The following DBX2 variants were observed in gnomAD, a reference collection of about 807,000 sequenced individuals.
DBX2 encodes the protein developing brain homeobox 2, also known as homeobox protein DBX2.
DBX2 carries 16 observed loss-of-function variants against 17.7 expected under a neutral mutation model. The observed-to-expected ratio is 0.90, with a 90% CI of 0.61 to 1.37. The LOEUF (loss-of-function observed/expected upper bound fraction) is 1.37, where lower values mean the gene tolerates loss of function less well. Among genes scored for constraint, DBX2 ranks in the 40% most tolerant of loss-of-function variants. DBX2 has a pLI of 0.00. For synonymous variants in DBX2, 255 were observed against 183.8 expected (o/e 1.39, Z -3.13); for missense variants, 538 against 433.8 (o/e 1.24, Z -2.13).
At chr12:45,046,957 A>C (rs565966932) in intron 1 of DBX2, among the ~76,000 whole-genome samples, 13 of 152,118 alleles carry the variant, frequency 8.5e-5, no homozygotes, top group South Asian at 4.1e-4. Context: ...TATGCAGCAG[A>C]AGAATAGATT....
chr12:45,037,060 G>C (rs1269515211), intron 1 of DBX2, among the ~76,000 whole-genome samples: 1 of 152,152 alleles, frequency 6.6e-6, no homozygotes, highest in Non-Finnish European at 1.5e-5. Flanking sequence ...ATTAGTATAA[G>C]TTGTTCTATT....
intron 1 of DBX2, among the ~76,000 whole-genome samples, chr12:45,047,929 G>A (rs1946508739): frequency 6.6e-6 from 1 of 152,164 alleles, no homozygotes. Context: ...GAGGATTAAA[G>A]GAGCTATTTT....
At chr12:45,018,937 T>C (rs1400575053) in intron 3 of DBX2, among the ~76,000 whole-genome samples, 1 of 151,368 alleles carries the variant, frequency 6.6e-6, no homozygotes, top group Non-Finnish European at 1.5e-5. Context: ...AGCCTTAGAA[T>C]AGTCATTAAT....
intron 1 of DBX2, among the ~76,000 whole-genome samples, chr12:45,049,020 T>C (rs1946515140): frequency 6.6e-6 from 1 of 152,198 alleles, no homozygotes; most frequent in Non-Finnish European, 1.5e-5. Context: ...TTGCAATATT[T>C]TGAAATAAGT....
chr12:45,023,592 G>T (rs903995402), intron 3 of DBX2, 115 bp downstream of exon 3: 7 of 1,193,120 alleles, frequency 5.9e-6, no homozygotes, highest in Non-Finnish European at 8.3e-6. Context: ...GGATTCCATT[G>T]TGTGCCTTAA....
At chr12:45,022,004 C>A (rs1200700148) in intron 3 of DBX2, among the ~76,000 whole-genome samples, 4 of 152,114 alleles carry the variant, frequency 2.6e-5, no homozygotes, top group African/African-American at 9.7e-5. Context: ...ACACAACAGA[C>A]CATCAAGATC....
intron 2 of DBX2, among the ~76,000 whole-genome samples, chr12:45,031,816 C>G (rs1054215904): frequency 6.6e-6 from 1 of 152,164 alleles, no homozygotes; most frequent in African/African-American, 2.4e-5. Flanking sequence ...TAGACACATA[C>G]TGAGCTGACA....
chr12:45,041,049 GA>G (rs987871432), intron 1 of DBX2, among the ~76,000 whole-genome samples: 442 of 95,936 alleles, frequency 4.6e-3, no homozygotes, highest in African/African-American at 7.0e-3. Context: ...CTGGGGGGAA[GA>G]AAAAAAAAAA....
Position 45,050,616 on chromosome 12 carries a change from AGCCCACC to A in DBX2, c.305_311del (p.Arg102LeufsTer39). 1 of 1,550,412 alleles carries A rather than the reference AGCCCACC, an allele frequency of 6.4e-7. No individual in the cohort carries two copies. The highest frequency in any genetic ancestry group is 8.7e-7 in the Non-Finnish European group (1 of 1,147,234). ...CCGCAGAGGGACTGAGCACTTGAAA[AGCCCACC>A]GCGTTCCGTAGGGCGCCCCGGCGGG... On this transcript the variant is annotated frameshift_variant, in exon 1 of 4. Coordinates refer to ENST00000332700, the MANE Select transcript of DBX2 (RefSeq NM_001004329.3). LOFTEE classifies it high-confidence loss of function.
At chr12:45,046,525 G>A (rs773953073) in intron 1 of DBX2, among the ~76,000 whole-genome samples, 6 of 151,964 alleles carry the variant, frequency 3.9e-5, no homozygotes, top group Non-Finnish European at 7.4e-5. Flanking sequence ...GCTCAAATTC[G>A]GACTTAAAAA....
At chr12:45,020,463 A>G (rs1946345799) in intron 3 of DBX2, among the ~76,000 whole-genome samples, 1 of 152,078 alleles carries the variant, frequency 6.6e-6, no homozygotes, top group Non-Finnish European at 1.5e-5. Context: ...ATAAAAGTAC[A>G]AAAAGAGGCA....
Position 45,050,602 on chromosome 12 carries a change from C to T in DBX2, c.326G>A (p.Ser109Asn). 1 of 1,551,258 alleles carries T rather than the reference C, an allele frequency of 6.4e-7. No homozygotes were observed. Among genetic ancestry groups the T allele is most frequent in the South Asian group, 1.2e-5 (1 of 84,132 alleles). The change falls in exon 1 of 4, where the codon AGT becomes AAT. Residue 109 changes from serine (S) to asparagine (N), a missense_variant. Coordinates refer to ENST00000332700, the MANE Select transcript of DBX2 (RefSeq NM_001004329.3). ...YGTRWAFQVLSPSADSARLPG... is the reference protein window; with the variant it reads ...YGTRWAFQVLNPSADSARLPG... ...CAGCCTCGCACTGTCCGCAGAGGGA[C>T]TGAGCACTTGAAAAGCCCACCGCGT... is the stretch of plus-strand genomic sequence containing the variant.
intron 2 of DBX2, among the ~76,000 whole-genome samples, chr12:45,025,671 CAT>C (rs796581022): frequency 1.8e-4 from 27 of 150,800 alleles, no homozygotes; most frequent in African/African-American, 5.9e-4. Flanking sequence ...TACTATGTAA[CAT>C]AGCACCAGAA....
Position 45,050,753 on chromosome 12 carries a change from G to A in DBX2, c.175C>T (p.Pro59Ser), listed in dbSNP as rs1020862088. Residue 59 changes from proline (P) to serine (S), a missense_variant, in exon 1 of 4, where the codon CCC (proline) becomes TCC (serine). Physicochemically the swap from Pro to Ser is moderately conservative, Grantham distance 74 (BLOSUM62 -1). Coordinates refer to ENST00000332700, the MANE Select transcript of DBX2 (RefSeq NM_001004329.3). ...APTPRLQPPA[P>S]HDPATALATA... Reference sequence around the variant, plus strand: ...GCCAGGGCGGTCGCCGGGTCGTGGGGCGCGGGCGGCTGCAGCCTGGGCGTT... The same window carrying A: ...GCCAGGGCGGTCGCCGGGTCGTGGGACGCGGGCGGCTGCAGCCTGGGCGTT... 3.7e-5 allele frequency: 56 copies of A among 1,502,250 alleles called. No homozygotes were observed. The highest frequency in any genetic ancestry group is 4.9e-5 in the Non-Finnish European group (55 of 1,126,770). 93.1% of individuals were successfully genotyped at this position (1,502,250 alleles called of 1,614,324 possible). A position where few individuals can be genotyped will look rare whatever the true frequency, so the allele number is the denominator to read the frequency against.
At chr12:45,028,955 T>C (rs952027420) in intron 2 of DBX2, among the ~76,000 whole-genome samples, 1 of 152,222 alleles carries the variant, frequency 6.6e-6, no homozygotes, top group African/African-American at 2.4e-5. Context: ...TAAACCACCA[T>C]TGATGCTCCT....
rs190749319 is a variant in DBX2, at chr12:45,034,911, A to C, written c.499+1108T>G. On this transcript the variant is annotated intron_variant, in intron 2 of 3. Transcript: ENST00000332700. ...CCTAAAGTTCATCTGCAGAGTGAAA[A>C]ATCGTGGTGAGGTCGCGTGTGGATG... 3.3e-5 allele frequency among the ~76,000 whole-genome samples: 5 copies of C among 152,284 alleles called. No individual in the cohort carries two copies. The East Asian group carries it at 9.7e-4, about 29-fold the overall frequency.
At chr12:45,041,184 A>G (rs1946469421) in intron 1 of DBX2, among the ~76,000 whole-genome samples, 1 of 148,350 alleles carries the variant, frequency 6.7e-6, no homozygotes, top group African/African-American at 2.4e-5. Context: ...CTAAATAATA[A>G]TTAATAAATA....
chr12:45,023,159 A>T (rs551523019), intron 3 of DBX2, among the ~76,000 whole-genome samples: 1 of 152,354 alleles, frequency 6.6e-6, no homozygotes, highest in East Asian at 1.9e-4. Flanking sequence ...TCAATGAACA[A>T]GAAAGGTATG....
intron 2 of DBX2, among the ~76,000 whole-genome samples, chr12:45,028,243 C>A (rs1030775510): frequency 2.0e-5 from 3 of 152,130 alleles, no homozygotes; most frequent in African/African-American, 7.2e-5. Flanking sequence ...CCAAGGGTGT[C>A]TGAAACAAGT....
Sources: gnomAD v4.1 joint callset for allele counts (sites outside exome capture counted in the v4.1 genomes callset) on GRCh38, gnomAD v4.1.1 for gene constraint, MANE v1.5 for transcripts, NCBI Gene and HGNC (gene_info 2026-07-23, HGNC 2026-07-21) for gene names.